INPP5A: variants seen among roughly 807,000 people sequenced by gnomAD.
INPP5A encodes the protein 43 kDa inositol polyphosphate 5-phophatase.
INPP5A carries 14 observed loss-of-function variants against 65.2 expected under a neutral mutation model. The observed-to-expected ratio is 0.21, with a 90% CI of 0.14 to 0.34. The LOEUF is 0.34. Among genes scored for constraint, INPP5A ranks in the 10% least tolerant of loss-of-function variants. The pLI is 1.00. For missense variants in INPP5A, 431 were observed against 545.6 expected, an observed-to-expected ratio of 0.79 and a Z score of 2.09; for synonymous variants, 207 against 208.3, an observed-to-expected ratio of 0.99 and a Z score of 0.05.
chr10:132,730,426 T>G (rs1846063907), intron 9 of INPP5A, among the ~76,000 whole-genome samples: 1 of 152,218 alleles, frequency 6.6e-6, no homozygotes, highest in South Asian at 2.1e-4. Context: ...GGGGGCGCCA[T>G]CTGCTGCAGG....
intron 9 of INPP5A, among the ~76,000 whole-genome samples, chr10:132,732,343 GA>G (rs1212420970): frequency 6.6e-6 from 1 of 152,216 alleles, no homozygotes; most frequent in Non-Finnish European, 1.5e-5. Context: ...TAAGACTGTG[GA>G]TACATAGCTG....
In INPP5A at chr10:132,674,684, T is replaced by G. The variant is rs776015251; in HGVS notation, c.307-15708T>G. On this transcript the variant is annotated intron_variant, in intron 4 of 15. Coordinates refer to ENST00000368594, the MANE Select transcript of INPP5A (RefSeq NM_005539.5). The surrounding 1 kb of genome is among the most constrained non-coding windows in gnomAD (Gnocchi z 4.4). Reference sequence around the variant, plus strand: ...CCACTTCCATTTGATGATGGAATGCTGCTGTGCATGACCCACTTCATGGCT... The same window carrying G: ...CCACTTCCATTTGATGATGGAATGCGGCTGTGCATGACCCACTTCATGGCT... Among the ~76,000 whole-genome samples the G allele has an allele frequency of 3.4e-4, 52 of 152,308 alleles. No homozygotes were observed. Among genetic ancestry groups the G allele is most frequent in the Admixed American group, 9.8e-4 (15 of 15,302 alleles).
Position 132,697,043 on chromosome 10 carries a change from C to G in INPP5A, c.371-773C>G, listed in dbSNP as rs1165355511. ...ACACAACACACTGCTCCAAAGCGGT[C>G]TCCAGGAACCTCGTTGACACCCAGG... On this transcript the variant is annotated intron_variant, in intron 5 of 15. Coordinates refer to ENST00000368594, the MANE Select transcript of INPP5A (RefSeq NM_005539.5). The surrounding 1 kb of genome is among the most constrained non-coding windows in gnomAD (Gnocchi z 5.6). Among the ~76,000 whole-genome samples, 1 of 152,242 alleles carries G rather than the reference C, an allele frequency of 6.6e-6. No individual in the cohort carries two copies. Among genetic ancestry groups the G allele is most frequent in the Non-Finnish European group, 1.5e-5 (1 of 68,048 alleles).
chr10:132,578,392 G>A (rs527469228), intron 1 of INPP5A, among the ~76,000 whole-genome samples: 2 of 152,172 alleles, frequency 1.3e-5, no homozygotes, highest in African/African-American at 2.4e-5. Flanking sequence ...CACCTCGGCC[G>A]GCATTCAGTG....
At chr10:132,652,282 AAGTGAAAC>A (rs2072588028) in intron 4 of INPP5A, among the ~76,000 whole-genome samples, 1 of 152,230 alleles carries the variant, frequency 6.6e-6, no homozygotes, top group African/African-American at 2.4e-5. Flanking sequence ...CACAAAATTA[AAGTGAAAC>A]AGAGAGAAGG....
At chr10:132,712,467 TG>T (rs1458765999) in intron 8 of INPP5A, among the ~76,000 whole-genome samples, 3 of 135,634 alleles carry the variant, frequency 2.2e-5, no homozygotes, top group Admixed American at 2.2e-4. Context: ...ATGTGTGGTG[TG>T]GATGTGTGTG....
In INPP5A at chr10:132,636,163, A is replaced by ATGTG. The variant is rs59663030; in HGVS notation, c.118-9683_118-9680dup. Among the ~76,000 whole-genome samples the ATGTG allele has an allele frequency of 5.4e-3, 811 of 149,184 alleles. 4 individuals are homozygous for ATGTG. The highest frequency in any genetic ancestry group is 0.011 in the African/African-American group (466 of 40,536). Reference sequence around the variant, plus strand: ...AAAAATGCTTTATTGGATAAACAAAATGTGTGTGTGTGTGTGTGTGTGTGT... The same window carrying ATGTG: ...AAAAATGCTTTATTGGATAAACAAAATGTGTGTGTGTGTGTGTGTGTGTGTGTGT... On this transcript the variant is annotated intron_variant, in intron 2 of 15. Coordinates refer to ENST00000368594, the MANE Select transcript of INPP5A (RefSeq NM_005539.5).
intron 1 of INPP5A, among the ~76,000 whole-genome samples, chr10:132,570,531 T>C (rs2071328289): frequency 6.6e-6 from 1 of 152,216 alleles, no homozygotes; most frequent in Admixed American, 6.5e-5. Flanking sequence ...GAACCCCCGC[T>C]GGCCTGGTGC....
At chr10:132,703,430 A>C in intron 6 of INPP5A, among the ~76,000 whole-genome samples, 2 of 122,780 alleles carry the variant, frequency 1.6e-5, no homozygotes, top group African/African-American at 3.1e-5. Flanking sequence ...CCCCCCACAT[A>C]CACACAGCTT....
chr10:132,551,708 G>C lies in INPP5A; in HGVS notation c.75+13537G>C, dbSNP rs2071052405. On this transcript the variant is annotated intron_variant, in intron 1 of 15. Coordinates refer to ENST00000368594, the MANE Select transcript of INPP5A (RefSeq NM_005539.5). The surrounding 1 kb of genome is among the most constrained non-coding windows in gnomAD (Gnocchi z 5.3). ...CGTCGTACACAGGTGGAAGGTGGAG[G>C]CCTGGGCCCAGGCTGGAGGGACGTG... 6.6e-6 allele frequency among the ~76,000 whole-genome samples: 1 copy of C among 152,220 alleles called. No individual in the cohort carries two copies. Among genetic ancestry groups the C allele is most frequent in the South Asian group, 2.1e-4 (1 of 4,836 alleles).
chr10:132,766,579 G>A (rs1016701943), intron 12 of INPP5A, among the ~76,000 whole-genome samples: 14 of 152,198 alleles, frequency 9.2e-5, no homozygotes, highest in African/African-American at 3.1e-4. Context: ...AGGTGTGCTC[G>A]CGTACATGGT....
intron 2 of INPP5A, among the ~76,000 whole-genome samples, chr10:132,636,163 A>ATGTGTGTG (rs59663030): frequency 0.087 from 12,952 of 149,580 alleles, 671 homozygotes; most frequent in African/African-American, 0.12. Flanking sequence ...GATAAACAAA[A>ATGTGTGTG]TGTGTGTGTG....
At chr10:132,565,717 GTT>G (rs1028267280) in intron 1 of INPP5A, among the ~76,000 whole-genome samples, 2 of 150,936 alleles carry the variant, frequency 1.3e-5, no homozygotes, top group Non-Finnish European at 1.5e-5. Flanking sequence ...GTGTGCCTGA[GTT>G]TGTGTGTGTG....
At chr10:132,648,079 T>C (rs1047841069) in intron 3 of INPP5A, among the ~76,000 whole-genome samples, 2 of 152,220 alleles carry the variant, frequency 1.3e-5, no homozygotes, top group Non-Finnish European at 2.9e-5. Flanking sequence ...CGGGAAAAGA[T>C]ATCTGCAGCA....
chr10:132,697,216 A>T lies in INPP5A; in HGVS notation c.371-600A>T, dbSNP rs1450852723. On this transcript the variant is annotated intron_variant, in intron 5 of 15. Coordinates refer to ENST00000368594, the MANE Select transcript of INPP5A (RefSeq NM_005539.5). The surrounding 1 kb of genome is among the most constrained non-coding windows in gnomAD (Gnocchi z 5.6). ...ACCTTGGGTGTGGAGCTACCTGTCC[A>T]TAAAAAGAAAGGCTGAGGCCTGGTT... Among the ~76,000 whole-genome samples, 1 of 152,234 alleles carries T rather than the reference A, an allele frequency of 6.6e-6. No homozygotes were observed. The highest frequency in any genetic ancestry group is 1.5e-5 in the Non-Finnish European group (1 of 68,040).
intron 2 of INPP5A, among the ~76,000 whole-genome samples, chr10:132,611,404 GA>G (rs1184603780): frequency 7.2e-6 from 1 of 138,908 alleles, no homozygotes. Context: ...AGGCCTGTCA[GA>G]GGAGGGTGTG....
At chr10:132,757,959 G>A (rs1846658659) in intron 11 of INPP5A, among the ~76,000 whole-genome samples, 1 of 147,778 alleles carries the variant, frequency 6.8e-6, no homozygotes, top group African/African-American at 2.5e-5. Context: ...CATGGCGTGG[G>A]TGCCCGGCCG....
chr10:132,618,854 TA>T (rs983476481), intron 2 of INPP5A, among the ~76,000 whole-genome samples: 1 of 151,922 alleles, frequency 6.6e-6, no homozygotes, highest in Non-Finnish European at 1.5e-5. Context: ...AACTCAAGAG[TA>T]AGAACTCACT....
At position 132,756,389 on chromosome 10, in the gene INPP5A, C is replaced by T. The variant is rs754874395; in HGVS notation, c.903+6544C>T. ...GTGCACTCGTGTGTGTGTATGTGTG[C>T]GTGTACTTGTATGCACTTGTGTGTG... On this transcript the variant is annotated intron_variant, in intron 11 of 15. Transcript: ENST00000368594. Among the ~76,000 whole-genome samples the T allele has an allele frequency of 4.0e-4, 61 of 152,086 alleles. No individual in the cohort carries two copies. In the Middle Eastern group the frequency reaches 0.01, roughly 25 times the overall value.
Sources: allele counts gnomAD v4.1 joint callset (sites outside exome capture counted in the v4.1 genomes callset), GRCh38; gene constraint gnomAD v4.1.1; non-coding constraint Gnocchi (gnomAD v3.1); transcripts MANE v1.5; gene names NCBI Gene and HGNC (gene_info 2026-07-23, HGNC 2026-07-21).